CASD1: variants seen among roughly 807,000 people sequenced by gnomAD.
CASD1 encodes the protein N-acetylneuraminate (7)9-O-acetyltransferase.
CASD1 carries 41 observed loss-of-function variants against 100.0 expected under a neutral mutation model. That is an observed-to-expected ratio of 0.41 (90% CI 0.32 to 0.53). CASD1 has a LOEUF of 0.53. Among genes scored for constraint, CASD1 ranks in the 20% least tolerant of loss-of-function variants. The probability of loss-of-function intolerance (pLI) is 0.25; values close to 1 mark genes in which losing one functional copy is unlikely to be tolerated. For missense variants in CASD1, 774 were observed against 948.7 expected, an observed-to-expected ratio of 0.82 and a Z score of 2.42; for synonymous variants, 321 against 315.6, an observed-to-expected ratio of 1.02 and a Z score of -0.18.
chr7:94,565,865 G>A, the CASD1 span, among the ~76,000 whole-genome samples: 2 of 152,176 alleles, frequency 1.3e-5, no homozygotes, highest in Non-Finnish European at 2.9e-5. Flanking sequence ...TACTTGTGAA[G>A]GATAAAGGGG....
downstream of CASD1, among the ~76,000 whole-genome samples, chr7:94,561,644 A>G (rs956264060): frequency 6.6e-6 from 1 of 152,056 alleles, no homozygotes; most frequent in African/African-American, 2.4e-5. Context: ...ACTCTAGAGT[A>G]TTCTCTCAGA....
In CASD1 at chr7:94,537,909, C is replaced by A. The variant is rs1474876530; in HGVS notation, c.1266+15C>A. On this transcript the variant is annotated intron_variant, in intron 9 of 17. Transcript: ENST00000297273. ...ATACTAAAGAGGTAAGAGTCATTTT[C>A]TTTTTAACTCATGTTACCCTTCTTG... 2 of 1,338,026 alleles carry A rather than the reference C, an allele frequency of 1.5e-6. No homozygotes were observed. Among genetic ancestry groups the A allele is most frequent in the East Asian group, 2.3e-5 (1 of 43,406 alleles). 82.9% of individuals were successfully genotyped at this position (1,338,026 alleles called of 1,614,324 possible).
chr7:94,608,077 C>T, the CASD1 span, among the ~76,000 whole-genome samples: 1 of 152,204 alleles, frequency 6.6e-6, no homozygotes, highest in Non-Finnish European at 1.5e-5. Context: ...GGTGTGATGG[C>T]TCACACCTGT....
At chr7:94,535,834 C>G (rs1394289548) in intron 8 of CASD1, among the ~76,000 whole-genome samples, 6 of 152,178 alleles carry the variant, frequency 3.9e-5, no homozygotes, top group Admixed American at 3.9e-4. Flanking sequence ...TCAGCACACT[C>G]ACATGTAAAA....
Position 94,527,221 on chromosome 7 carries a change from T to C in CASD1, c.396+15T>C. 11 of 1,575,930 alleles carry C rather than the reference T, an allele frequency of 7.0e-6. No individual in the cohort carries two copies. Among genetic ancestry groups the C allele is most frequent in the Non-Finnish European group, 9.6e-6 (11 of 1,146,418 alleles). On this transcript the variant is annotated intron_variant, in intron 4 of 17. Transcript: ENST00000297273. Reference sequence around the variant, plus strand: ...CAGTTAAAGTGGTAAGTTCATGTAATAGTAAGCTAGATGTTACAATGTTGA... The same window carrying C: ...CAGTTAAAGTGGTAAGTTCATGTAACAGTAAGCTAGATGTTACAATGTTGA...
intron 13 of CASD1, among the ~76,000 whole-genome samples, chr7:94,547,443 T>A (rs997071098): frequency 1.3e-5 from 2 of 151,904 alleles, no homozygotes; most frequent in Admixed American, 1.3e-4. Flanking sequence ...AATCAAACAT[T>A]TATTGAATGC....
chr7:94,602,229 A>G, the CASD1 span, among the ~76,000 whole-genome samples: 1 of 152,092 alleles, frequency 6.6e-6, no homozygotes, highest in Non-Finnish European at 1.5e-5. Flanking sequence ...TGATTGAACA[A>G]ATTTTCCTAT....
At chr7:94,569,289 A>G in the CASD1 span, among the ~76,000 whole-genome samples, 1 of 152,216 alleles carries the variant, frequency 6.6e-6, no homozygotes, top group Admixed American at 6.5e-5. Flanking sequence ...ACAATTGATA[A>G]TTGTAATTGG....
the CASD1 span, among the ~76,000 whole-genome samples, chr7:94,576,265 G>A: frequency 2.6e-5 from 4 of 152,132 alleles, no homozygotes; most frequent in African/African-American, 9.7e-5. Context: ...CAAATCTGCT[G>A]TTAAATCTTT....
chr7:94,517,774 G>T, intron 2 of CASD1, 118 bp downstream of exon 2: 2 of 596,536 alleles, frequency 3.4e-6, no homozygotes, highest in East Asian at 5.7e-5. Flanking sequence ...TGCTGACTGA[G>T]TGTAGGGCTG....
chr7:94,604,140 A>G, the CASD1 span, among the ~76,000 whole-genome samples: 1 of 152,124 alleles, frequency 6.6e-6, no homozygotes, highest in Non-Finnish European at 1.5e-5. Flanking sequence ...TTAACTGGCT[A>G]AAAAGATTTC....
At chr7:94,630,863 A>G in the CASD1 span, among the ~76,000 whole-genome samples, 8 of 151,942 alleles carry the variant, frequency 5.3e-5, no homozygotes, top group Non-Finnish European at 7.4e-5. Flanking sequence ...CAAGCTCACA[A>G]CTTACTAAAA....
the CASD1 span, chr7:94,587,106 T>C: frequency 2.0e-6 from 2 of 984,468 alleles, no homozygotes; most frequent in Non-Finnish European, 2.4e-6. Context: ...GAAAAATAAT[T>C]TTATAAATTA....
rs766585608 is a variant in CASD1 at position 94,533,690 on chromosome 7, G to A, written c.516G>A (p.Lys172=). The A allele has an allele frequency of 1.9e-6, 3 of 1,596,564 alleles. No homozygotes were observed. Among genetic ancestry groups the A allele is most frequent in the Non-Finnish European group, 1.7e-6 (2 of 1,172,330 alleles). The change falls in exon 7 of 18, where the codon AAG becomes AAA. Residue 172 remains lysine, a synonymous_variant. Transcript: ENST00000297273. ...GTACTTCTTTTTAGTGGTCCATCAA[G>A]ATTCACAATGGTAGCAGTGAAGCGC... ...IVAGAATWSI[K]IHNGSSEALS...
chr7:94,539,148 C>A, intron 10 of CASD1, 92 bp downstream of exon 10: 1 of 651,080 alleles, frequency 1.5e-6, no homozygotes, highest in South Asian at 2.1e-5. Context: ...GTTTTATAAT[C>A]TCTACCAGTT....
At chr7:94,568,824 GA>G in the CASD1 span, among the ~76,000 whole-genome samples, 2 of 152,230 alleles carry the variant, frequency 1.3e-5, no homozygotes, top group Non-Finnish European at 2.9e-5. Flanking sequence ...TGTGGACACA[GA>G]AAATGGCTAT....
chr7:94,555,375 A>C, intron 17 of CASD1, 117 bp from the exon 18 acceptor site: 4 of 987,554 alleles, frequency 4.1e-6, no homozygotes, highest in Non-Finnish European at 5.8e-6. Flanking sequence ...ACAGAATAAA[A>C]TGGTTTTAGG....
At chr7:94,537,083 A>G (rs1310541510) in intron 8 of CASD1, among the ~76,000 whole-genome samples, 1 of 151,706 alleles carries the variant, frequency 6.6e-6, no homozygotes, top group Non-Finnish European at 1.5e-5. Flanking sequence ...TTGGTCCTTG[A>G]TGTCTGTCAG....
At chr7:94,577,080 A>G in the CASD1 span, among the ~76,000 whole-genome samples, 1 of 152,108 alleles carries the variant, frequency 6.6e-6, no homozygotes, top group African/African-American at 2.4e-5. Flanking sequence ...AGTTTCTTTT[A>G]GTTCTCTAGA....
Sources: gnomAD v4.1 joint callset for allele counts (sites outside exome capture counted in the v4.1 genomes callset) on GRCh38, gnomAD v4.1.1 for gene constraint, MANE v1.5 for transcripts, NCBI Gene and HGNC (gene_info 2026-07-23, HGNC 2026-07-21) for gene names.